PID1: variants seen among roughly 807,000 people sequenced by gnomAD.
The protein encoded by PID1 is PTB-containing, cubilin and LRP1-interacting protein.
PID1 carries 10 observed loss-of-function variants against 19.1 expected under a neutral mutation model. The observed-to-expected ratio is 0.52, with a 90% CI of 0.32 to 0.89. The LOEUF (loss-of-function observed/expected upper bound fraction) is 0.89. PID1 is among the 40% of genes least tolerant of loss of function. PID1 has a pLI of 0.03. For synonymous variants in PID1, 130 were observed against 116.0 expected, an observed-to-expected ratio of 1.12 and a Z score of -0.78; for missense variants, 248 against 285.3, an observed-to-expected ratio of 0.87 and a Z score of 0.94.
intron 1 of PID1, among the ~76,000 whole-genome samples, chr2:229,215,009 G>C (rs998106104): frequency 1.3e-5 from 2 of 151,992 alleles, no homozygotes; most frequent in Non-Finnish European, 2.9e-5. Flanking sequence ...GCTCAATAGT[G>C]TTGTGATAAA....
At chr2:229,060,560 G>A (rs1027827181) in intron 2 of PID1, among the ~76,000 whole-genome samples, 14 of 152,034 alleles carry the variant, frequency 9.2e-5, no homozygotes, top group Non-Finnish European at 1.2e-4. Flanking sequence ...TGGCTATTGC[G>A]AATAATGCTG....
chr2:229,148,194 C>T (rs1424154026), intron 2 of PID1, among the ~76,000 whole-genome samples: 1 of 152,134 alleles, frequency 6.6e-6, no homozygotes, highest in East Asian at 1.9e-4. Flanking sequence ...AGAGCTTTGC[C>T]AAAGCCACCA....
chr2:229,080,358 A>G (rs971238848), intron 2 of PID1, among the ~76,000 whole-genome samples: 7 of 152,130 alleles, frequency 4.6e-5, no homozygotes, highest in East Asian at 1.9e-4. Context: ...CCCTGAGTCA[A>G]CACATCCTTA....
chr2:229,103,571 A>ATTTT (rs60510809), intron 2 of PID1, among the ~76,000 whole-genome samples: 913 of 76,194 alleles, frequency 0.012, 19 homozygotes, highest in African/African-American at 0.035. Flanking sequence ...ATATGCTGGA[A>ATTTT]TTTTTTTTTT....
chr2:229,132,998 C>T (rs61532152), intron 2 of PID1, among the ~76,000 whole-genome samples: 3,424 of 152,078 alleles, frequency 0.023, 112 homozygotes, highest in African/African-American at 0.075. Flanking sequence ...TTTAACCTGG[C>T]GACATTAGGA....
intron 2 of PID1, among the ~76,000 whole-genome samples, chr2:229,127,622 C>T (rs143807439): frequency 5.3e-5 from 8 of 152,238 alleles, no homozygotes; most frequent in Non-Finnish European, 1.0e-4. Flanking sequence ...CTTTGTGGCA[C>T]GGCCTTCCCA....
chr2:229,090,009 A>T (rs1694839590), intron 2 of PID1, among the ~76,000 whole-genome samples: 1 of 152,206 alleles, frequency 6.6e-6, no homozygotes, highest in Non-Finnish European at 1.5e-5. Flanking sequence ...TACCCCAAAT[A>T]AGAAACATAC....
At chr2:229,149,866 C>T (rs1403475449) in intron 2 of PID1, among the ~76,000 whole-genome samples, 1 of 151,976 alleles carries the variant, frequency 6.6e-6, no homozygotes, top group African/African-American at 2.4e-5. Context: ...ACAAGCGCTG[C>T]CGGATAGGCT....
At chr2:229,203,835 G>T (rs1347922551) in intron 1 of PID1, among the ~76,000 whole-genome samples, 1 of 152,056 alleles carries the variant, frequency 6.6e-6, no homozygotes, top group African/African-American at 2.4e-5. Context: ...GTGCATGGTA[G>T]ATGTTCAACA....
At chr2:229,249,722 T>C (rs1690101525) in intron 1 of PID1, among the ~76,000 whole-genome samples, 2 of 152,176 alleles carry the variant, frequency 1.3e-5, no homozygotes, top group Admixed American at 6.5e-5. Context: ...GGAAAGACTT[T>C]GGCAGAAGAG....
intron 2 of PID1, among the ~76,000 whole-genome samples, chr2:229,101,159 A>G (rs1451342548): frequency 1.3e-5 from 2 of 152,230 alleles, no homozygotes; most frequent in Non-Finnish European, 2.9e-5. Flanking sequence ...GAAAGCATCA[A>G]TATCCAGTGT....
intron 2 of PID1, among the ~76,000 whole-genome samples, chr2:229,064,593 T>A (rs1441069240): frequency 3.9e-5 from 6 of 152,168 alleles, no homozygotes; most frequent in African/African-American, 1.4e-4. Context: ...ATTAAATTCA[T>A]AAATTATCCA....
chr2:229,059,991 T>C (rs970207700), intron 2 of PID1, among the ~76,000 whole-genome samples: 1 of 152,140 alleles, frequency 6.6e-6, no homozygotes, highest in East Asian at 1.9e-4. Context: ...TATGTATTTA[T>C]ATTTTATTTT....
chr2:229,258,791 G>A (rs1312420314), intron 1 of PID1, among the ~76,000 whole-genome samples: 1 of 150,138 alleles, frequency 6.7e-6, no homozygotes, highest in Non-Finnish European at 1.5e-5. Flanking sequence ...GAACCCAGGA[G>A]GCGGAGCTTG....
At chr2:229,246,607 G>A (rs1403861981) in intron 1 of PID1, among the ~76,000 whole-genome samples, 1 of 152,132 alleles carries the variant, frequency 6.6e-6, no homozygotes, top group East Asian at 1.9e-4. Context: ...TGCAGAGGAA[G>A]AACCATCCAC....
intron 1 of PID1, among the ~76,000 whole-genome samples, chr2:229,180,442 A>G (rs2106218048): frequency 1.3e-5 from 2 of 152,292 alleles, no homozygotes; most frequent in East Asian, 3.9e-4. Context: ...AAGTCTCAAA[A>G]TGTCAATGTA....
intron 2 of PID1, among the ~76,000 whole-genome samples, chr2:229,138,327 C>T (rs1175612042): frequency 1.3e-5 from 2 of 152,150 alleles, no homozygotes; most frequent in East Asian, 1.9e-4. Context: ...TAAATTTTAA[C>T]TCATGCAGTT....
intron 1 of PID1, among the ~76,000 whole-genome samples, chr2:229,257,719 G>C (rs1029973076): frequency 6.6e-6 from 1 of 152,170 alleles, no homozygotes. Flanking sequence ...TTTCCTCCTT[G>C]AGGGGCAAAA....
intron 2 of PID1, among the ~76,000 whole-genome samples, chr2:229,056,551 T>G (rs1171270306): frequency 7.6e-6 from 1 of 131,290 alleles, no homozygotes; most frequent in Non-Finnish European, 1.8e-5. Flanking sequence ...TAAATCTATT[T>G]CAAAAAGTAA....
Sources: gnomAD v4.1 joint callset for allele counts (sites outside exome capture counted in the v4.1 genomes callset) on GRCh38, gnomAD v4.1.1 for gene constraint, MANE v1.5 for transcripts, NCBI Gene and HGNC (gene_info 2026-07-23, HGNC 2026-07-21) for gene names.